TMEM132B: variants seen among roughly 807,000 people sequenced by gnomAD.
TMEM132B encodes transmembrane protein 132B.
Under a neutral mutation model 90.8 loss-of-function variants are expected in TMEM132B, and 18 were observed. The ratio of observed to expected loss-of-function variants is 0.20; its 90% CI spans 0.14 to 0.29. The LOEUF (loss-of-function observed/expected upper bound fraction) is 0.29, where lower values mean the gene tolerates loss of function less well. Ranked by LOEUF, TMEM132B falls within the 10% of genes least tolerant of loss-of-function variation. TMEM132B has a pLI of 1.00. For missense variants in TMEM132B, 1,096 were observed against 1,326.8 expected, an observed-to-expected ratio of 0.83 and a Z score of 2.70; for synonymous variants, 504 against 523.3, an observed-to-expected ratio of 0.96 and a Z score of 0.50.
intron 2 of TMEM132B, among the ~76,000 whole-genome samples, chr12:125,397,458 C>A (rs1879200094): frequency 6.6e-6 from 1 of 152,178 alleles, no homozygotes; most frequent in Non-Finnish European, 1.5e-5. Context: ...ATTTTTAGTT[C>A]TTAATTACTC....
intron 3 of TMEM132B, among the ~76,000 whole-genome samples, chr12:125,508,161 T>C (rs1365999503): frequency 6.7e-6 from 1 of 149,094 alleles, no homozygotes; most frequent in African/African-American, 2.4e-5. Context: ...AACTTCATGA[T>C]CTTTGCACCT....
rs370659945 is a variant in TMEM132B, at chr12:125,349,605, G to A, written c.221G>A (p.Arg74Gln). 36 of 1,613,946 alleles carry A rather than the reference G, an allele frequency of 2.2e-5. No individual in the cohort carries two copies. Among genetic ancestry groups the A allele is most frequent in the Admixed American group, 3.3e-5 (2 of 60,002 alleles). Residue 74 changes from arginine (R) to glutamine (Q), a missense_variant, in exon 2 of 9, where the codon CGG becomes CAG. Transcript: ENST00000682704. The surrounding 1 kb of genome is among the most constrained non-coding windows in gnomAD (Gnocchi z 4.1). ...DLTRNSSLQA[R>Q]VEPFFIYRAR... ...ACAAGGAACTCCAGTCTGCAGGCCC[G>A]GGTGGAGCCATTCTTCATCTACCGA...
chr12:125,283,600 C>T (rs192357519), intron 1 of TMEM132B, among the ~76,000 whole-genome samples: 9 of 152,248 alleles, frequency 5.9e-5, no homozygotes, highest in South Asian at 4.2e-4. Flanking sequence ...GTTGATAGGG[C>T]CAAGTCCAGA....
At chr12:125,621,500 G>A (rs576461562) in intron 5 of TMEM132B, among the ~76,000 whole-genome samples, 1 of 152,252 alleles carries the variant, frequency 6.6e-6, no homozygotes, top group Admixed American at 6.5e-5. Flanking sequence ...ACTCTGCTAA[G>A]GTATGTGGAC....
chr12:125,397,524 T>C (rs904396073), intron 2 of TMEM132B, among the ~76,000 whole-genome samples: 4 of 152,226 alleles, frequency 2.6e-5, no homozygotes, highest in Admixed American at 2.0e-4. Context: ...AATTGAATCA[T>C]GAGAAACCCT....
At chr12:125,494,172 C>T (rs1186883191) in intron 3 of TMEM132B, among the ~76,000 whole-genome samples, 26 of 129,160 alleles carry the variant, frequency 2.0e-4, no homozygotes, top group African/African-American at 6.2e-4. Context: ...TGGAAATGAC[C>T]GCGTCCCTCC....
chr12:125,383,675 C>G (rs1400012261), intron 2 of TMEM132B, among the ~76,000 whole-genome samples: 1 of 152,130 alleles, frequency 6.6e-6, no homozygotes, highest in Admixed American at 6.5e-5. Flanking sequence ...AAAACAGAAA[C>G]TTTTGTCTCT....
chr12:125,591,243 G>A (rs1018059480), intron 5 of TMEM132B, among the ~76,000 whole-genome samples: 1 of 152,058 alleles, frequency 6.6e-6, no homozygotes, highest in East Asian at 1.9e-4. Flanking sequence ...GTCTAAAATA[G>A]GTCAGTACGG....
chr12:125,281,402 A>G (rs1875170324), intron 1 of TMEM132B, among the ~76,000 whole-genome samples: 1 of 152,062 alleles, frequency 6.6e-6, no homozygotes, highest in South Asian at 2.1e-4. Context: ...GTGGCGGGAG[A>G]AAGTGGGAAG....
chr12:125,487,906 CAT>C (rs1882243354), intron 3 of TMEM132B, among the ~76,000 whole-genome samples: 1 of 152,102 alleles, frequency 6.6e-6, no homozygotes, highest in African/African-American at 2.4e-5. Context: ...TAATATATAT[CAT>C]GTGATCATAT....
intron 1 of TMEM132B, among the ~76,000 whole-genome samples, chr12:125,207,695 T>G (rs1873214516): frequency 6.6e-6 from 1 of 152,218 alleles, no homozygotes; most frequent in Admixed American, 6.5e-5. Context: ...ACTTTTTCAT[T>G]TTGCAAAATG....
At chr12:125,414,233 T>G (rs766608804) in intron 2 of TMEM132B, among the ~76,000 whole-genome samples, 18 of 152,238 alleles carry the variant, frequency 1.2e-4, no homozygotes, top group Non-Finnish European at 2.2e-4. Context: ...ATACGCTGAA[T>G]GCTAGGCCCT....
At chr12:125,232,426 A>T (rs1010662065) in intron 1 of TMEM132B, among the ~76,000 whole-genome samples, 7 of 151,822 alleles carry the variant, frequency 4.6e-5, no homozygotes, top group Non-Finnish European at 8.8e-5. Flanking sequence ...AAAAAAAATA[A>T]TTTTTTGCTT....
chr12:125,540,786 A>G (rs762951238), intron 4 of TMEM132B, among the ~76,000 whole-genome samples: 18 of 152,200 alleles, frequency 1.2e-4, no homozygotes, highest in Non-Finnish European at 2.2e-4. Flanking sequence ...ATCATGTCTG[A>G]CCTCTGATCC....
chr12:125,552,300 G>C (rs1177739234), intron 4 of TMEM132B, among the ~76,000 whole-genome samples: 1 of 152,210 alleles, frequency 6.6e-6, no homozygotes, highest in Non-Finnish European at 1.5e-5. Flanking sequence ...CTTCTGCAGG[G>C]TTAATATAGG....
At chr12:125,652,169 T>A (rs1001188239) in intron 7 of TMEM132B, among the ~76,000 whole-genome samples, 2 of 152,252 alleles carry the variant, frequency 1.3e-5, no homozygotes, top group African/African-American at 4.8e-5. Context: ...TTTTTATTAT[T>A]GCCTGTAAGT....
At chr12:125,641,459 A>G (rs1346844925) in intron 5 of TMEM132B, among the ~76,000 whole-genome samples, 1 of 152,202 alleles carries the variant, frequency 6.6e-6, no homozygotes, top group East Asian at 1.9e-4. Flanking sequence ...CTTAGTACTC[A>G]GTATGATTAG....
intron 3 of TMEM132B, among the ~76,000 whole-genome samples, chr12:125,425,816 C>T (rs1880301800): frequency 6.6e-6 from 1 of 152,170 alleles, no homozygotes; most frequent in Non-Finnish European, 1.5e-5. Context: ...CATTCCATTG[C>T]CTGGATGGAC....
At chr12:125,551,809 T>C (rs1343854174) in intron 4 of TMEM132B, among the ~76,000 whole-genome samples, 1 of 152,204 alleles carries the variant, frequency 6.6e-6, no homozygotes, top group Non-Finnish European at 1.5e-5. Context: ...GGGGAACTTC[T>C]GTGCCATGGG....
Sources: gnomAD v4.1 joint callset for allele counts (sites outside exome capture counted in the v4.1 genomes callset) on GRCh38, gnomAD v4.1.1 for gene constraint, Gnocchi (gnomAD v3.1) non-coding constraint, MANE v1.5 for transcripts, NCBI Gene and HGNC (gene_info 2026-07-23, HGNC 2026-07-21) for gene names.